The following CDH18 variants were observed in gnomAD, a reference collection of about 807,000 sequenced individuals.
CDH18 encodes the protein cadherin 18.
In CDH18, 31 loss-of-function variants were observed where a neutral mutation model predicts 67.9. The ratio of observed to expected loss-of-function variants is 0.46; its 90% confidence interval spans 0.34 to 0.62. The LOEUF (loss-of-function observed/expected upper bound fraction) is 0.62. Among genes scored for constraint, CDH18 ranks in the 20% least tolerant of loss-of-function variants. The pLI is 0.01. For missense variants in CDH18, 890 were observed against 975.5 expected (o/e 0.91, Z 1.17); for synonymous variants, 362 against 347.2 (o/e 1.04, Z -0.48).
At chr5:19,969,134 C>G (rs1325001360) in intron 2 of CDH18, among the ~76,000 whole-genome samples, 1 of 147,650 alleles carries the variant, frequency 6.8e-6, no homozygotes, top group Admixed American at 6.6e-5. Context: ...CAAATCAAAA[C>G]CACAATGAGA....
intron 1 of CDH18, among the ~76,000 whole-genome samples, chr5:20,538,765 A>G (rs1167203643): frequency 6.6e-6 from 1 of 152,054 alleles, no homozygotes; most frequent in Non-Finnish European, 1.5e-5. Context: ...GAAAAGAAAA[A>G]TATTGCATGT....
chr5:19,591,348 T>C, intron 6 of CDH18, 104 bp from the exon 7 acceptor site: 1 of 650,718 alleles, frequency 1.5e-6, no homozygotes, highest in Non-Finnish European at 2.3e-6. Context: ...AAGACTATAT[T>C]AGGTAATGCA....
At chr5:19,859,025 G>T (rs975987832) in intron 2 of CDH18, among the ~76,000 whole-genome samples, 3 of 152,078 alleles carry the variant, frequency 2.0e-5, no homozygotes, top group Non-Finnish European at 4.4e-5. Context: ...TGTATTTAAT[G>T]TGTACAATTT....
At chr5:19,654,323 T>C (rs1272357841) in intron 5 of CDH18, among the ~76,000 whole-genome samples, 1 of 152,206 alleles carries the variant, frequency 6.6e-6, no homozygotes, top group Non-Finnish European at 1.5e-5. Flanking sequence ...GAAAATCCTG[T>C]CTACACCAGT....
At chr5:20,039,097 G>A (rs1204635221) in intron 2 of CDH18, among the ~76,000 whole-genome samples, 4 of 151,796 alleles carry the variant, frequency 2.6e-5, no homozygotes, top group Non-Finnish European at 5.9e-5. Context: ...ATTCGCAATT[G>A]CTACGAAGAG....
At chr5:19,699,423 C>G (rs964747457) in intron 5 of CDH18, among the ~76,000 whole-genome samples, 3 of 152,092 alleles carry the variant, frequency 2.0e-5, no homozygotes, top group Non-Finnish European at 2.9e-5. Flanking sequence ...CAACTTTATA[C>G]CTGTTATGGA....
In CDH18 at chr5:19,635,986, G is replaced by A. The variant is rs996141805; in HGVS notation, c.644-23385C>T. ...GTTGTTGAAAGTAAAGAAAAATTTC[G>A]TCTTAGTAAAGTGCCGATGAATTGT... On this transcript the variant is annotated intron_variant, in intron 5 of 12. Transcript: ENST00000382275. 7.9e-5 allele frequency among the ~76,000 whole-genome samples: 12 copies of A among 151,978 alleles called. 1 individual carries two copies. Among genetic ancestry groups the A allele is most frequent in the South Asian group, 6.2e-4 (3 of 4,830 alleles).
At chr5:19,971,433 C>T (rs1798003647) in intron 2 of CDH18, among the ~76,000 whole-genome samples, 1 of 151,884 alleles carries the variant, frequency 6.6e-6, no homozygotes. Context: ...AATATATTAC[C>T]AGAGCTTCAC....
intron 4 of CDH18, among the ~76,000 whole-genome samples, chr5:19,746,587 T>C (rs2150730553): frequency 6.6e-6 from 1 of 152,270 alleles, no homozygotes; most frequent in Non-Finnish European, 1.5e-5. Context: ...CTGCAAATAA[T>C]CAAATTGAAT....
At chr5:20,251,462 T>C (rs916491067) in intron 2 of CDH18, among the ~76,000 whole-genome samples, 1 of 152,222 alleles carries the variant, frequency 6.6e-6, no homozygotes, top group Admixed American at 6.5e-5. Flanking sequence ...GCTTTTTATA[T>C]CTTGTTTATT....
chr5:19,663,176 A>T (rs552923873), intron 5 of CDH18, among the ~76,000 whole-genome samples: 2 of 152,002 alleles, frequency 1.3e-5, no homozygotes, highest in East Asian at 1.9e-4. Flanking sequence ...GCTAATGGAC[A>T]TTTGTGGAAC....
intron 11 of CDH18, among the ~76,000 whole-genome samples, chr5:19,488,779 T>C (rs1213649171): frequency 6.6e-6 from 1 of 152,210 alleles, no homozygotes; most frequent in East Asian, 1.9e-4. Context: ...TGAACTAATA[T>C]ATCTTGTAAC....
At chr5:19,988,245 G>C (rs1799763180), upstream of CDH18, 1 of 152,240 alleles carries the variant, frequency 6.6e-6, no homozygotes. Flanking sequence ...CTGGGTCTCT[G>C]CAGCTCCCGA....
chr5:20,187,478 C>A (rs189820323), intron 2 of CDH18, among the ~76,000 whole-genome samples: 1 of 151,790 alleles, frequency 6.6e-6, no homozygotes, highest in South Asian at 2.1e-4. Flanking sequence ...TGATTTCAAA[C>A]TAAATGTACC....
chr5:20,535,541 G>T (rs1756661175), intron 1 of CDH18, among the ~76,000 whole-genome samples: 1 of 152,000 alleles, frequency 6.6e-6, no homozygotes, highest in African/African-American at 2.4e-5. Context: ...ATCTATACCA[G>T]GAATCACACC....
chr5:20,219,156 G>A (rs548253652), intron 2 of CDH18, among the ~76,000 whole-genome samples: 6 of 151,934 alleles, frequency 3.9e-5, no homozygotes, highest in African/African-American at 1.4e-4. Context: ...GATGAAAAAT[G>A]AGACATTACA....
chr5:19,551,735 C>A (rs768131738), intron 8 of CDH18, among the ~76,000 whole-genome samples: 19 of 152,182 alleles, frequency 1.2e-4, no homozygotes, highest in Non-Finnish European at 2.6e-4. Flanking sequence ...GTTTCTTTCT[C>A]CTACGACTGC....
At chr5:19,784,009 G>A (rs569963285) in intron 3 of CDH18, among the ~76,000 whole-genome samples, 16 of 152,110 alleles carry the variant, frequency 1.1e-4, no homozygotes, top group South Asian at 1.0e-3. Flanking sequence ...TTATAGATGA[G>A]TAAAAACATT....
chr5:19,856,343 T>C (rs1168872574), intron 2 of CDH18, among the ~76,000 whole-genome samples: 1 of 152,196 alleles, frequency 6.6e-6, no homozygotes, highest in African/African-American at 2.4e-5. Context: ...AAGATGACAG[T>C]GTACCCTACC....
Sources: gnomAD v4.1 joint callset for allele counts (sites outside exome capture counted in the v4.1 genomes callset) on GRCh38, gnomAD v4.1.1 for gene constraint, MANE v1.5 for transcripts, NCBI Gene and HGNC (gene_info 2026-07-23, HGNC 2026-07-21) for gene names.